MDGA2: variants seen among roughly 807,000 people sequenced by gnomAD.
MDGA2 encodes MAM domain-containing glycosylphosphatidylinositol anchor protein 2.
Under a neutral mutation model 117.8 loss-of-function variants are expected in MDGA2, and 40 were observed. The ratio of observed to expected loss-of-function variants is 0.34; its 90% CI spans 0.26 to 0.44. The LOEUF is 0.44. Ranked by LOEUF, MDGA2 falls within the 20% of genes least tolerant of loss-of-function variation. MDGA2 has a pLI of 1.00. For missense variants in MDGA2, 1,123 were observed against 1,250.6 expected, an observed-to-expected ratio of 0.90 and a Z score of 1.54; for synonymous variants, 452 against 439.0, an observed-to-expected ratio of 1.03 and a Z score of -0.37.
rs1894314868 is a variant in MDGA2 at position 47,497,817 on chromosome 14, A to T, written c.280+176700T>A. ...CCCTTTATAACTACTTTATCAGAACATTTCCTTTAAATTGTGATTATCTAT... is the reference window on the plus strand; with the variant it reads ...CCCTTTATAACTACTTTATCAGAACTTTTCCTTTAAATTGTGATTATCTAT... On this transcript the variant is annotated intron_variant, in intron 1 of 16. Coordinates refer to ENST00000399232, the MANE Select transcript of MDGA2 (RefSeq NM_001113498.3). Among the ~76,000 whole-genome samples the T allele has an allele frequency of 5.3e-5, 8 of 152,276 alleles. No homozygotes were observed. The South Asian group carries it at 1.7e-3, about 32-fold the overall frequency.
intron 1 of MDGA2, among the ~76,000 whole-genome samples, chr14:47,481,020 T>C (rs750638480): frequency 6.6e-6 from 1 of 151,954 alleles, no homozygotes; most frequent in Non-Finnish European, 1.5e-5. Context: ...ATTATGTCTT[T>C]ATATAAGAAC....
intron 2 of MDGA2, among the ~76,000 whole-genome samples, chr14:47,257,568 A>G (rs569139304): frequency 1.4e-4 from 21 of 152,154 alleles, no homozygotes; most frequent in Non-Finnish European, 2.9e-4. Flanking sequence ...CATTTTGTTC[A>G]TAAGTGGTTT....
At chr14:47,346,091 G>A (rs1245991117) in intron 1 of MDGA2, among the ~76,000 whole-genome samples, 1 of 151,966 alleles carries the variant, frequency 6.6e-6, no homozygotes, top group African/African-American at 2.4e-5. Flanking sequence ...GGATGATATT[G>A]AATGTTCCCA....
At chr14:47,025,658 A>C (rs1888444635) in intron 8 of MDGA2, among the ~76,000 whole-genome samples, 1 of 152,010 alleles carries the variant, frequency 6.6e-6, no homozygotes, top group East Asian at 1.9e-4. Context: ...TACAAGCCTA[A>C]GTAGCCTCTA....
chr14:46,981,916 A>T (rs184775463), intron 8 of MDGA2, among the ~76,000 whole-genome samples: 141 of 152,346 alleles, frequency 9.3e-4, no homozygotes, highest in Non-Finnish European at 1.8e-3. Context: ...ACAAAATCAC[A>T]GGGTGACAAA....
intron 8 of MDGA2, among the ~76,000 whole-genome samples, chr14:46,998,844 G>A (rs1489340126): frequency 2.6e-5 from 4 of 151,938 alleles, no homozygotes; most frequent in African/African-American, 9.7e-5. Context: ...AATTGGACAA[G>A]GAATTTGATG....
chr14:47,088,125 T>A (rs1261265877), intron 6 of MDGA2, among the ~76,000 whole-genome samples: 1 of 152,078 alleles, frequency 6.6e-6, no homozygotes, highest in Admixed American at 6.5e-5. Flanking sequence ...TTATAATTCT[T>A]CATAAATTAT....
At chr14:46,867,262 A>G (rs753181460) in intron 14 of MDGA2, among the ~76,000 whole-genome samples, 1 of 152,186 alleles carries the variant, frequency 6.6e-6, no homozygotes, top group Non-Finnish European at 1.5e-5. Flanking sequence ...TGAAATTGGA[A>G]ATCATCATTC....
At chr14:47,310,048 C>T (rs1056656776) in intron 1 of MDGA2, among the ~76,000 whole-genome samples, 14 of 152,060 alleles carry the variant, frequency 9.2e-5, no homozygotes, top group African/African-American at 2.9e-4. Context: ...TTATCTTCCA[C>T]AAAACAACAA....
intron 1 of MDGA2, among the ~76,000 whole-genome samples, chr14:47,666,055 T>C (rs1897951838): frequency 6.6e-6 from 1 of 151,920 alleles, no homozygotes. Context: ...GAACTTTATG[T>C]CTAGCTAAGG....
intron 10 of MDGA2, among the ~76,000 whole-genome samples, chr14:46,917,737 T>C (rs2138503601): frequency 6.6e-6 from 1 of 152,292 alleles, no homozygotes; most frequent in South Asian, 2.1e-4. Flanking sequence ...ACACCAGTTT[T>C]ATGATAAAAA....
intron 1 of MDGA2, among the ~76,000 whole-genome samples, chr14:47,424,289 G>A (rs1892640522): frequency 6.6e-6 from 1 of 152,056 alleles, no homozygotes; most frequent in African/African-American, 2.4e-5. Context: ...CTGGTGTGAT[G>A]GTTTGTGCCT....
At chr14:47,484,166 A>G (rs1306215230) in intron 1 of MDGA2, among the ~76,000 whole-genome samples, 1 of 152,052 alleles carries the variant, frequency 6.6e-6, no homozygotes, top group African/African-American at 2.4e-5. Flanking sequence ...TGAGATAGCT[A>G]TTTTTTACAA....
rs187953203 is a variant in MDGA2, at chr14:46,990,028, C to T, written c.1820-32385G>A. ...CAGGCTGTCACTAAAGAATACTCTTCTATATAATACAATGTTCCTAAGAGT... is the reference window on the plus strand; with the variant it reads ...CAGGCTGTCACTAAAGAATACTCTTTTATATAATACAATGTTCCTAAGAGT... On this transcript the variant is annotated intron_variant, in intron 8 of 16. Transcript: ENST00000399232. Among the ~76,000 whole-genome samples, 167 of 152,176 alleles carry T rather than the reference C, an allele frequency of 1.1e-3. No homozygotes were observed. The East Asian group carries it at 0.025, about 23-fold the overall frequency.
Position 47,102,674 on chromosome 14 carries a change from C to T in MDGA2, c.926-5551G>A, listed in dbSNP as rs145606288. The stretch of plus-strand genomic sequence containing the variant: ...CCTCTGAGAGACCAAGTCAAGGGCA[C>T]CGCAAAGCTCTCTATCTAAAGAACA... On this transcript the variant is annotated intron_variant, in intron 5 of 16. Transcript: ENST00000399232. Among the ~76,000 whole-genome samples the T allele has an allele frequency of 1.4e-3, 209 of 152,254 alleles. 1 individual carries two copies. Among genetic ancestry groups the T allele is most frequent in the African/African-American group, 4.8e-3 (200 of 41,566 alleles).
At chr14:47,607,725 C>G (rs1896767161) in intron 1 of MDGA2, among the ~76,000 whole-genome samples, 1 of 152,060 alleles carries the variant, frequency 6.6e-6, no homozygotes, top group African/African-American at 2.4e-5. Context: ...GTTTTGATTG[C>G]ATCATGTAGG....
At chr14:47,113,310 C>G (rs1177796585) in intron 5 of MDGA2, among the ~76,000 whole-genome samples, 1 of 151,916 alleles carries the variant, frequency 6.6e-6, no homozygotes, top group Non-Finnish European at 1.5e-5. Context: ...TAATAAATAG[C>G]CTACCAACAA....
chr14:47,316,776 A>C (rs1296549762), intron 1 of MDGA2, among the ~76,000 whole-genome samples: 1 of 152,082 alleles, frequency 6.6e-6, no homozygotes, highest in Non-Finnish European at 1.5e-5. Context: ...ATTAAAAGAA[A>C]TATCCAAACA....
rs768861727 is a variant in MDGA2, at chr14:46,860,191, C to A, written c.2753-5037G>T. 2.8e-3 allele frequency among the ~76,000 whole-genome samples: 423 copies of A among 152,158 alleles called. 1 individual carries two copies. The highest frequency in any genetic ancestry group is 5.0e-3 in the Non-Finnish European group (341 of 67,938). On this transcript the variant is annotated intron_variant, in intron 14 of 16. Transcript: ENST00000399232. ...TTCATCTCTAAATCTCTCATTCCCT[C>A]AACTTCTTCATCAGGCAAATGGTAA...
Sources: gnomAD v4.1 joint callset for allele counts (sites outside exome capture counted in the v4.1 genomes callset) on GRCh38, gnomAD v4.1.1 for gene constraint, MANE v1.5 for transcripts, NCBI Gene and HGNC (gene_info 2026-07-23, HGNC 2026-07-21) for gene names.